Variants in TSPAN9 observed in about 807,000 individuals in gnomAD.
TSPAN9 encodes the protein tetraspanin 9.
TSPAN9 carries 16 observed loss-of-function variants against 31.0 expected under a neutral mutation model. The observed-to-expected ratio is 0.52, with a 90% CI of 0.35 to 0.78. The LOEUF (loss-of-function observed/expected upper bound fraction) is 0.78. TSPAN9 is among the 30% of genes least tolerant of loss of function. The pLI is 0.01. For missense variants in TSPAN9, 272 were observed against 312.5 expected (o/e 0.87, Z 0.98); for synonymous variants, 145 against 121.6 (o/e 1.19, Z -1.27).
intron 2 of TSPAN9, among the ~76,000 whole-genome samples, chr12:3,157,889 G>A (rs78067231): frequency 6.6e-6 from 1 of 152,286 alleles, no homozygotes; most frequent in African/African-American, 2.4e-5. Context: ...ATAGGGTGCT[G>A]ACAAAAACAG....
At chr12:3,125,446 TC>T (rs2098326921) in intron 2 of TSPAN9, among the ~76,000 whole-genome samples, 1 of 151,892 alleles carries the variant, frequency 6.6e-6, no homozygotes, top group Non-Finnish European at 1.5e-5. Flanking sequence ...AACACATTCT[TC>T]CCCCCGCAGT....
At chr12:3,242,972 G>A (rs2098397384) in intron 3 of TSPAN9, among the ~76,000 whole-genome samples, 1 of 152,216 alleles carries the variant, frequency 6.6e-6, no homozygotes, top group Admixed American at 6.5e-5. Context: ...CATCCAGACG[G>A]GAGCTCTGTG....
chr12:3,120,722 T>C (rs1257942103), intron 2 of TSPAN9, among the ~76,000 whole-genome samples: 2 of 152,376 alleles, frequency 1.3e-5, no homozygotes, highest in East Asian at 3.9e-4. Flanking sequence ...ACTGTGGGGC[T>C]GGGAGGGCTA....
intron 2 of TSPAN9, among the ~76,000 whole-genome samples, chr12:3,095,137 T>G (rs2098307371): frequency 1.0e-5 from 1 of 98,980 alleles, no homozygotes; most frequent in Non-Finnish European, 2.1e-5. Flanking sequence ...CCTTAATCCA[T>G]TCAACCCTGA....
intron 3 of TSPAN9, among the ~76,000 whole-genome samples, chr12:3,276,482 C>T (rs1033719098): frequency 6.6e-6 from 1 of 152,234 alleles, no homozygotes; most frequent in Non-Finnish European, 1.5e-5. Flanking sequence ...GGCTCCTTCC[C>T]ACTCCGGGGC....
At chr12:3,266,491 C>T (rs575735454) in intron 3 of TSPAN9, among the ~76,000 whole-genome samples, 63 of 152,298 alleles carry the variant, frequency 4.1e-4, no homozygotes, top group African/African-American at 1.3e-3. Context: ...AGCTGTACCA[C>T]GAAGAGCTCC....
At chr12:3,160,659 A>AT (rs1373782529) in intron 2 of TSPAN9, among the ~76,000 whole-genome samples, 1 of 152,174 alleles carries the variant, frequency 6.6e-6, no homozygotes, top group African/African-American at 2.4e-5. Flanking sequence ...TGAGTGTGAA[A>AT]TGGTATCTCA....
intron 2 of TSPAN9, among the ~76,000 whole-genome samples, chr12:3,177,365 C>T (rs750730346): frequency 5.3e-5 from 8 of 151,386 alleles, no homozygotes; most frequent in African/African-American, 1.5e-4. Flanking sequence ...TCTCGATCTC[C>T]TGACCTTGTG....
At chr12:3,156,202 A>G (rs1477841445) in intron 2 of TSPAN9, among the ~76,000 whole-genome samples, 3 of 152,170 alleles carry the variant, frequency 2.0e-5, no homozygotes, top group Non-Finnish European at 4.4e-5. Flanking sequence ...TTGGCATTTG[A>G]TGATTCCCTG....
At chr12:3,204,462 C>T (rs1357709179) in intron 3 of TSPAN9, among the ~76,000 whole-genome samples, 1 of 152,188 alleles carries the variant, frequency 6.6e-6, no homozygotes, top group African/African-American at 2.4e-5. Context: ...CCATGGTCCT[C>T]CTCCTTACTA....
At chr12:3,261,542 G>A (rs1014194163) in intron 3 of TSPAN9, among the ~76,000 whole-genome samples, 1 of 152,192 alleles carries the variant, frequency 6.6e-6, no homozygotes, top group Non-Finnish European at 1.5e-5. Flanking sequence ...CTCCAAAGTA[G>A]GGGACACAGG....
At chr12:3,241,648 G>T (rs1359235385) in intron 3 of TSPAN9, among the ~76,000 whole-genome samples, 1 of 152,170 alleles carries the variant, frequency 6.6e-6, no homozygotes, top group Admixed American at 6.5e-5. Context: ...CCGACATTCC[G>T]TGAGTGCCCT....
intron 3 of TSPAN9, among the ~76,000 whole-genome samples, chr12:3,255,634 T>C (rs537136): frequency 0.38 from 58,258 of 152,134 alleles, 11,394 homozygotes; most frequent in East Asian, 0.47. Flanking sequence ...TTTGGTGTCA[T>C]AGGGTAATTG....
rs983869382 is a variant in TSPAN9 at position 3,266,989 on chromosome 12, A to C, written c.64-11432A>C. Among the ~76,000 whole-genome samples, 11 of 152,284 alleles carry C rather than the reference A, an allele frequency of 7.2e-5. No homozygotes were observed. The East Asian group carries it at 1.5e-3, about 21-fold the overall frequency. On this transcript the variant is annotated intron_variant, in intron 3 of 8. Transcript: ENST00000011898. Reference sequence around the variant, plus strand: ...TGGTGTTACTTGCTGAGCTAGAGCCATGGAAGATCACCCTCATTACATTAT... The same window carrying C: ...TGGTGTTACTTGCTGAGCTAGAGCCCTGGAAGATCACCCTCATTACATTAT...
chr12:3,162,744 A>G (rs566238926), intron 2 of TSPAN9, among the ~76,000 whole-genome samples: 14 of 152,234 alleles, frequency 9.2e-5, no homozygotes, highest in Admixed American at 4.6e-4. Context: ...TCCCCCGGGT[A>G]GATTTAAGGG....
intron 3 of TSPAN9, among the ~76,000 whole-genome samples, chr12:3,240,511 G>A (rs1303940553): frequency 6.6e-6 from 1 of 152,220 alleles, no homozygotes; most frequent in African/African-American, 2.4e-5. Flanking sequence ...AGGGTCTGGT[G>A]ACGTGCTCGA....
At chr12:3,165,280 C>T (rs987455148) in intron 2 of TSPAN9, among the ~76,000 whole-genome samples, 1 of 152,156 alleles carries the variant, frequency 6.6e-6, no homozygotes, top group African/African-American at 2.4e-5. Flanking sequence ...GAAGTACTGG[C>T]CACGAATCCC....
intron 2 of TSPAN9, among the ~76,000 whole-genome samples, chr12:3,095,632 A>AC (rs750007843): frequency 0.37 from 34,923 of 93,466 alleles, 6,035 homozygotes; most frequent in African/African-American, 0.49. Context: ...CGGAGGGCTG[A>AC]CCCCCCCCAC....
chr12:3,236,007 G>C (rs1044041807), intron 3 of TSPAN9, among the ~76,000 whole-genome samples: 2 of 152,260 alleles, frequency 1.3e-5, no homozygotes, highest in African/African-American at 2.4e-5. Flanking sequence ...CTGATTCAGG[G>C]TTCCACAGCT....
Sources: allele counts gnomAD v4.1 joint callset (sites outside exome capture counted in the v4.1 genomes callset), GRCh38; gene constraint gnomAD v4.1.1; transcripts MANE v1.5; gene names NCBI Gene and HGNC (gene_info 2026-07-23, HGNC 2026-07-21).